PCSK5: variants seen among roughly 807,000 people sequenced by gnomAD.
PCSK5 encodes prohormone convertase 5.
Under a neutral mutation model 233.2 loss-of-function variants are expected in PCSK5, and 129 were observed. The ratio of observed to expected loss-of-function variants is 0.55; its 90% CI spans 0.48 to 0.64. The LOEUF (loss-of-function observed/expected upper bound fraction) is 0.64. PCSK5 is among the 30% of genes least tolerant of loss of function. The pLI, the probability that PCSK5 is intolerant of heterozygous loss-of-function variation, is 0.00. For synonymous variants in PCSK5, 825 were observed against 879.2 expected (o/e 0.94, Z 1.09); for missense variants, 2,076 against 2,430.1 (o/e 0.85, Z 3.06).
intron 28 of PCSK5, among the ~76,000 whole-genome samples, chr9:76,302,973 T>A (rs1404658212): frequency 6.8e-6 from 1 of 147,936 alleles, no homozygotes; most frequent in Admixed American, 6.8e-5. Context: ...TTTTTTTTTT[T>A]TTTTTTTTTT....
chr9:76,332,438 A>G lies in PCSK5; in HGVS notation c.4576A>G (p.Thr1526Ala), dbSNP rs1213897951. 6.2e-7 allele frequency: 1 copy of G among 1,611,108 alleles called. No homozygotes were observed. Among genetic ancestry groups the G allele is most frequent in the Non-Finnish European group, 8.5e-7 (1 of 1,178,994 alleles). ...CPMNSLLLNT[T>A]CVKDCPEGYY... ...CATTTTTTCTCCCATGACAGACACA[A>G]CCTGTGTGAAGGACTGCCCAGAGGG... The change falls in exon 34 of 38, where the codon ACC (threonine) becomes GCC (alanine). Residue 1526 changes from threonine (T) to alanine (A), a missense_variant. This residue lies in a region of PCSK5 where 1,510 missense variants were observed against 1,538.1 expected (regional missense o/e 0.98). Transcript: ENST00000674117.
chr9:76,146,822 A>G (rs1823460478), intron 10 of PCSK5, among the ~76,000 whole-genome samples: 1 of 152,174 alleles, frequency 6.6e-6, no homozygotes, highest in South Asian at 2.1e-4. Context: ...ATGACTTTGC[A>G]CAACTTCTTT....
intron 14 of PCSK5, 112 bp downstream of exon 14, chr9:76,175,241 G>T: frequency 1.7e-6 from 1 of 575,050 alleles, no homozygotes; most frequent in Non-Finnish European, 3.0e-6. Flanking sequence ...GGAATGAAAT[G>T]GAATGGAATG....
intron 20 of PCSK5, among the ~76,000 whole-genome samples, chr9:76,210,089 A>G (rs1254290132): frequency 6.6e-6 from 1 of 152,206 alleles, no homozygotes; most frequent in African/African-American, 2.4e-5. Flanking sequence ...TGACCTCAAC[A>G]GCAGCTGACC....
intron 3 of PCSK5, among the ~76,000 whole-genome samples, chr9:76,007,772 G>A (rs1036754136): frequency 3.4e-5 from 5 of 148,202 alleles, no homozygotes; most frequent in Non-Finnish European, 5.9e-5. Context: ...GACCACAGGC[G>A]CCTGTCACCA....
At chr9:76,083,758 G>A (rs1283111147) in intron 7 of PCSK5, among the ~76,000 whole-genome samples, 1 of 152,216 alleles carries the variant, frequency 6.6e-6, no homozygotes, top group African/African-American at 2.4e-5. Flanking sequence ...ATACACACAA[G>A]TGAACATACA....
chr9:76,264,731 C>T (rs1022518901), intron 24 of PCSK5, among the ~76,000 whole-genome samples: 1 of 151,858 alleles, frequency 6.6e-6, no homozygotes, highest in East Asian at 1.9e-4. Flanking sequence ...GTCAGGGTGG[C>T]TATTATCAAG....
At chr9:76,228,818 T>C (rs1289014946) in intron 21 of PCSK5, among the ~76,000 whole-genome samples, 4 of 152,240 alleles carry the variant, frequency 2.6e-5, no homozygotes, top group Non-Finnish European at 4.4e-5. Context: ...CTTTGCATTA[T>C]GGTCATTTTG....
At chr9:76,337,010 T>G (rs1006730227) in intron 34 of PCSK5, among the ~76,000 whole-genome samples, 45 of 151,946 alleles carry the variant, frequency 3.0e-4, no homozygotes, top group African/African-American at 1.1e-3. Context: ...ACTTAATGAA[T>G]AGTGGTTATA....
intron 31 of PCSK5, among the ~76,000 whole-genome samples, 164 bp from the exon 32 acceptor site, chr9:76,322,888 G>A (rs529195141): frequency 7.2e-5 from 11 of 152,286 alleles, no homozygotes; most frequent in African/African-American, 2.4e-4. Flanking sequence ...CCCAAGGCAG[G>A]GCTTGTTAGA....
chr9:75,992,780 G>A (rs1826827425), intron 3 of PCSK5, among the ~76,000 whole-genome samples: 2 of 152,182 alleles, frequency 1.3e-5, no homozygotes, highest in South Asian at 4.1e-4. Context: ...AAGGCAGACA[G>A]TAATAAATGG....
chr9:76,225,754 G>A (rs565874956), intron 20 of PCSK5, among the ~76,000 whole-genome samples: 1 of 152,172 alleles, frequency 6.6e-6, no homozygotes, highest in Non-Finnish European at 1.5e-5. Flanking sequence ...GCTTTTTTCT[G>A]TCTCAGGGCT....
intron 24 of PCSK5, among the ~76,000 whole-genome samples, chr9:76,257,276 G>T (rs1827013218): frequency 6.6e-6 from 1 of 152,104 alleles, no homozygotes; most frequent in African/African-American, 2.4e-5. Context: ...GGTAGGAAGA[G>T]CTTCAAGCTC....
At chr9:76,000,251 A>G (rs942233782) in intron 3 of PCSK5, among the ~76,000 whole-genome samples, 8 of 152,156 alleles carry the variant, frequency 5.3e-5, no homozygotes, top group Non-Finnish European at 1.0e-4. Flanking sequence ...TCATGGGGTC[A>G]TTTTGCAAGT....
chr9:75,995,335 A>G (rs1436993155), intron 3 of PCSK5, among the ~76,000 whole-genome samples: 2 of 152,186 alleles, frequency 1.3e-5, no homozygotes, highest in African/African-American at 4.8e-5. Flanking sequence ...TATATATATA[A>G]TAGGCCTTTA....
rs527574460 is a variant in PCSK5, at chr9:76,007,550, A to G, written c.412-16188A>G. 7.2e-5 allele frequency among the ~76,000 whole-genome samples: 11 copies of G among 152,244 alleles called. 1 individual carries two copies. The East Asian group carries it at 1.5e-3, about 21-fold the overall frequency. ...AAGAATTATTTGATTTTATCAATGC[A>G]TTTGGAGGGTGTGAGAGGAGGGTAG... On this transcript the variant is annotated intron_variant, in intron 3 of 37. Transcript: ENST00000674117.
At chr9:75,973,835 G>T (rs79374006) in intron 2 of PCSK5, among the ~76,000 whole-genome samples, 4,980 of 152,292 alleles carry the variant, frequency 0.033, 99 homozygotes, top group Admixed American at 0.051. Context: ...AAATGTGCCA[G>T]GGTGGAACCC....
At position 76,309,676 on chromosome 9, in the gene PCSK5, C is replaced by CAAA. The variant is rs781340914; in HGVS notation, c.3688+960_3688+962dup. 6.1e-3 allele frequency among the ~76,000 whole-genome samples: 704 copies of CAAA among 114,618 alleles called. 8 individuals carry two copies. Among genetic ancestry groups the CAAA allele is most frequent in the African/African-American group, 0.022 (680 of 30,946 alleles). The allele number at this position is 114,618 out of a possible 152,430, so 75.2% of individuals were successfully genotyped here. ...TGGATGACAGAGCAAGACGCTGCCT[C>CAAA]AAAAAAAAAAAAAAGAATGTTTACA... On this transcript the variant is annotated intron_variant, in intron 29 of 37. Coordinates refer to ENST00000674117, the MANE Select transcript of PCSK5 (RefSeq NM_001372043.1).
At chr9:76,246,225 C>G (rs559002529) in intron 24 of PCSK5, among the ~76,000 whole-genome samples, 18 of 151,484 alleles carry the variant, frequency 1.2e-4, no homozygotes, top group African/African-American at 4.4e-4. Flanking sequence ...ACCTGTAGTC[C>G]CAACTACTTG....
Sources: gnomAD v4.1 joint callset for allele counts (sites outside exome capture counted in the v4.1 genomes callset) on GRCh38, gnomAD v4.1.1 for gene constraint, gnomAD v4.1.1 regional missense constraint, MANE v1.5 for transcripts, NCBI Gene and HGNC (gene_info 2026-07-23, HGNC 2026-07-21) for gene names.